Variants in LARP4B observed in about 807,000 individuals in gnomAD.
The protein encoded by LARP4B is la-related protein 4B.
LARP4B carries 12 observed loss-of-function variants against 89.8 expected under a neutral mutation model. That is an observed-to-expected ratio of 0.13 (90% confidence interval 0.09 to 0.22). LARP4B has a LOEUF of 0.22. Ranked by LOEUF, LARP4B falls within the 10% of genes least tolerant of loss-of-function variation. The pLI is 1.00. For missense variants in LARP4B, 757 were observed against 947.7 expected (o/e 0.80, Z 2.64); for synonymous variants, 367 against 363.3 (o/e 1.01, Z -0.12).
intron 1 of LARP4B, among the ~76,000 whole-genome samples, chr10:929,655 A>G (rs1837245808): frequency 6.6e-6 from 1 of 152,160 alleles, no homozygotes; most frequent in African/African-American, 2.4e-5. Context: ...CAACATTTCC[A>G]TGTTTGTGTT....
At chr10:869,227 G>A (rs539038173) in intron 3 of LARP4B, among the ~76,000 whole-genome samples, 9 of 152,252 alleles carry the variant, frequency 5.9e-5, no homozygotes, top group Admixed American at 1.3e-4. Flanking sequence ...AAGATATAAG[G>A]AAGCACAGAT....
chr10:933,553 G>C (rs1356885558), upstream of LARP4B, among the ~76,000 whole-genome samples: 1 of 152,156 alleles, frequency 6.6e-6, no homozygotes, highest in Non-Finnish European at 1.5e-5. Flanking sequence ...CTAGCTTTAA[G>C]GGAATTTGCA....
chr10:843,019 G>T lies in LARP4B; in HGVS notation c.559C>A (p.Gln187Lys), dbSNP rs1833599062. ...MYLISQMDSD[Q>K]YVPITTVANL... ...GCCACCGTTGTGATTGGCACATACT[G>T]GTCACTATCCATCTGTGATATAAGA... Residue 187 changes from glutamine (Q) to lysine (K), a missense_variant, in exon 7 of 18, where the codon CAG becomes AAG. By Grantham distance (53) the Gln-to-Lys change is moderately conservative. This residue lies in a region of LARP4B where 54 missense variants were observed against 96.0 expected (regional missense o/e 0.56). Coordinates refer to ENST00000316157, the MANE Select transcript of LARP4B (RefSeq NM_015155.3). 1 of 1,613,636 alleles carries T rather than the reference G, an allele frequency of 6.2e-7. No individual in the cohort carries two copies. Among genetic ancestry groups the T allele is most frequent in the African/African-American group, 1.3e-5 (1 of 74,912 alleles).
At chr10:880,860 T>A (rs1004327770) in intron 3 of LARP4B, among the ~76,000 whole-genome samples, 1 of 152,256 alleles carries the variant, frequency 6.6e-6, no homozygotes, top group Non-Finnish European at 1.5e-5. Flanking sequence ...TAAACACTTC[T>A]ACCTAATATT....
At chr10:948,973 T>G in the LARP4B span, among the ~76,000 whole-genome samples, 2 of 152,258 alleles carry the variant, frequency 1.3e-5, no homozygotes, top group East Asian at 3.8e-4. Context: ...GTGTACCAGT[T>G]GTCATGTGAA....
chr10:850,479 G>A (rs1439459903), intron 5 of LARP4B, among the ~76,000 whole-genome samples: 3 of 152,162 alleles, frequency 2.0e-5, no homozygotes, highest in Non-Finnish European at 2.9e-5. Flanking sequence ...TTCAAAATAC[G>A]TGAAGCAAAA....
At chr10:854,318 GTTC>G (rs1834196506) in intron 5 of LARP4B, among the ~76,000 whole-genome samples, 1 of 152,166 alleles carries the variant, frequency 6.6e-6, no homozygotes, top group African/African-American at 2.4e-5. Flanking sequence ...AATCACAAAT[GTTC>G]TTAACAGCAT....
chr10:834,006 G>A (rs1833068704), intron 8 of LARP4B, among the ~76,000 whole-genome samples: 1 of 151,894 alleles, frequency 6.6e-6, no homozygotes, highest in Admixed American at 6.6e-5. Flanking sequence ...TTGGTTAAAA[G>A]AGGATAGAAA....
At chr10:847,580 G>A (rs1024042172) in intron 5 of LARP4B, among the ~76,000 whole-genome samples, 14 of 151,392 alleles carry the variant, frequency 9.2e-5, no homozygotes, top group African/African-American at 2.7e-4. Context: ...GTGCAGTAGC[G>A]CGATCTTGCA....
At chr10:850,602 A>G (rs749884303) in intron 5 of LARP4B, among the ~76,000 whole-genome samples, 1 of 152,266 alleles carries the variant, frequency 6.6e-6, no homozygotes, top group Non-Finnish European at 1.5e-5. Context: ...AATCTTGAAC[A>G]CTACCACTCA....
chr10:894,047 T>C (rs2131964033), intron 1 of LARP4B, among the ~76,000 whole-genome samples: 1 of 152,268 alleles, frequency 6.6e-6, no homozygotes, highest in South Asian at 2.1e-4. Flanking sequence ...AAAATCAAAA[T>C]ATCCCAATAT....
intron 14 of LARP4B, chr10:819,662 T>G (rs1202991617): frequency 6.6e-6 from 1 of 152,212 alleles, no homozygotes; most frequent in Admixed American, 6.5e-5. Flanking sequence ...GGCACAACAG[T>G]GCCCTGTGTT....
chr10:925,793 C>T (rs1454653287), intron 1 of LARP4B, among the ~76,000 whole-genome samples: 4 of 152,198 alleles, frequency 2.6e-5, no homozygotes, highest in African/African-American at 9.7e-5. Context: ...CTCGGCCTCC[C>T]AGAGTGCTGG....
chr10:850,768 T>A (rs1284124379), intron 5 of LARP4B, among the ~76,000 whole-genome samples: 1 of 152,194 alleles, frequency 6.6e-6, no homozygotes, highest in Non-Finnish European at 1.5e-5. Context: ...ATACAAAGTA[T>A]GTTCTTTGAC....
chr10:824,717 C>A (rs1433136038), intron 13 of LARP4B, among the ~76,000 whole-genome samples: 1 of 152,232 alleles, frequency 6.6e-6, no homozygotes, highest in African/African-American at 2.4e-5. Flanking sequence ...GGGCGCCAGG[C>A]CAGCAGCCAT....
intron 1 of LARP4B, among the ~76,000 whole-genome samples, chr10:892,232 G>T (rs1836050275): frequency 1.3e-5 from 2 of 152,224 alleles, no homozygotes; most frequent in Non-Finnish European, 2.9e-5. Context: ...AAAGCAGAGA[G>T]GATAAGTCCA....
chr10:979,375 C>G, the LARP4B span, among the ~76,000 whole-genome samples: 1 of 152,182 alleles, frequency 6.6e-6, no homozygotes, highest in African/African-American at 2.4e-5. Flanking sequence ...TGTCCAGGCC[C>G]TCTTGCATTC....
At chr10:903,205 C>CACCT (rs1347981908) in intron 1 of LARP4B, 1 of 152,554 alleles carries the variant, frequency 6.6e-6, no homozygotes, top group East Asian at 1.9e-4. Flanking sequence ...CCTTCAGACC[C>CACCT]ACCTGCTCAC....
At chr10:908,775 T>G (rs549877301) in intron 1 of LARP4B, among the ~76,000 whole-genome samples, 1 of 152,206 alleles carries the variant, frequency 6.6e-6, no homozygotes, top group Non-Finnish European at 1.5e-5. Flanking sequence ...CTGAAAGCTA[T>G]GAAACAGAAT....
Sources: allele counts gnomAD v4.1 joint callset (sites outside exome capture counted in the v4.1 genomes callset), GRCh38; gene constraint gnomAD v4.1.1; regional missense constraint gnomAD v4.1.1; transcripts MANE v1.5; gene names NCBI Gene and HGNC (gene_info 2026-07-23, HGNC 2026-07-21).